The following MECOM variants were observed in gnomAD, a reference collection of about 807,000 sequenced individuals.
MECOM encodes MDS1 and EVI1 complex locus, also known as histone-lysine N-methyltransferase MECOM.
A neutral mutation model predicts 116.3 loss-of-function variants in MECOM; 13 were observed. The observed-to-expected ratio is 0.11, with a 90% CI of 0.07 to 0.18. MECOM has a LOEUF of 0.18. Ranked by LOEUF, MECOM falls within the 10% of genes least tolerant of loss-of-function variation. MECOM has a pLI of 1.00. For missense variants in MECOM, 1,299 were observed against 1,509.0 expected (o/e 0.86, Z 2.31); for synonymous variants, 528 against 535.2 (o/e 0.99, Z 0.19).
At chr3:169,199,998 C>T (rs1748937832) in intron 2 of MECOM, among the ~76,000 whole-genome samples, 1 of 151,166 alleles carries the variant, frequency 6.6e-6, no homozygotes, top group Non-Finnish European at 1.5e-5. Flanking sequence ...TATTTAATAT[C>T]AAGATATAGT....
intron 12 of MECOM, among the ~76,000 whole-genome samples, chr3:169,099,831 T>C (rs1722933511): frequency 6.6e-6 from 1 of 152,112 alleles, no homozygotes. Flanking sequence ...ATGTAGTTTA[T>C]ATTTTAAAAT....
At chr3:169,638,575 T>G (rs995778785) in intron 1 of MECOM, among the ~76,000 whole-genome samples, 3 of 152,220 alleles carry the variant, frequency 2.0e-5, no homozygotes, top group African/African-American at 7.2e-5. Context: ...TATTTTCAAG[T>G]AATACATGGA....
intron 1 of MECOM, among the ~76,000 whole-genome samples, chr3:169,589,769 A>T (rs1236014601): frequency 1.3e-5 from 2 of 152,144 alleles, no homozygotes; most frequent in Admixed American, 1.3e-4. Context: ...ATTCCGACTC[A>T]CATAGAAAAA....
intron 1 of MECOM, among the ~76,000 whole-genome samples, chr3:169,581,338 G>A (rs1765096798): frequency 6.6e-6 from 1 of 151,954 alleles, no homozygotes; most frequent in Admixed American, 6.6e-5. Flanking sequence ...ATCAAAAGTT[G>A]ACCTCCCAGG....
chr3:169,400,594 A>G (rs1384731713), intron 1 of MECOM, among the ~76,000 whole-genome samples: 1 of 152,230 alleles, frequency 6.6e-6, no homozygotes, highest in African/African-American at 2.4e-5. Context: ...TGGATTAAAT[A>G]GAGGTGAAAT....
intron 9 of MECOM, among the ~76,000 whole-genome samples, chr3:169,111,221 T>A (rs1422005401): frequency 6.6e-6 from 1 of 152,144 alleles, no homozygotes; most frequent in East Asian, 1.9e-4. Context: ...AATCCCTTTT[T>A]GGTTTTTCTC....
chr3:169,115,386 T>C lies in MECOM; in HGVS notation c.2486A>G (p.Tyr829Cys), dbSNP rs775365698. The C allele has an allele frequency of 9.9e-6, 16 of 1,613,508 alleles. No homozygotes were observed. The highest frequency in any genetic ancestry group is 1.4e-5 in the Non-Finnish European group (16 of 1,179,734). Residue 829 changes from tyrosine (Y) to cysteine (C), a missense_variant, in exon 8 of 17, where the codon TAC (tyrosine) becomes TGC (cysteine). This residue lies in a region of MECOM where 340 missense variants were observed against 312.6 expected (regional missense o/e 1.09). Transcript: ENST00000651503. ...RPTPFFMDPIYRVEKRKLTDP... is the reference protein window; with the variant it reads ...RPTPFFMDPICRVEKRKLTDP... ...GTCATCTTCCATACACGCTTACCTG[T>C]AAATAGGGTCCATAAAGAAAGGAGT... is the stretch of plus-strand genomic sequence containing the variant.
chr3:169,459,146 G>A (rs1286943243), intron 1 of MECOM, among the ~76,000 whole-genome samples: 2 of 152,150 alleles, frequency 1.3e-5, no homozygotes, highest in Non-Finnish European at 2.9e-5. Flanking sequence ...ATGTAATCCT[G>A]ATCAAATAGT....
chr3:169,401,571 T>G (rs900805831), intron 1 of MECOM, among the ~76,000 whole-genome samples: 5 of 152,014 alleles, frequency 3.3e-5, no homozygotes, highest in African/African-American at 1.2e-4. Flanking sequence ...TGTCCAAGGT[T>G]CAGTGGAGAG....
intron 1 of MECOM, among the ~76,000 whole-genome samples, chr3:169,471,194 G>T (rs1749170656): frequency 6.6e-6 from 1 of 152,024 alleles, no homozygotes. Flanking sequence ...GTTTAGCCAT[G>T]TTGCCCATGC....
intron 1 of MECOM, among the ~76,000 whole-genome samples, chr3:169,440,098 A>G (rs1743351624): frequency 6.6e-6 from 1 of 152,196 alleles, no homozygotes; most frequent in South Asian, 2.1e-4. Context: ...ACATAGAGAG[A>G]TAAAATAATT....
At chr3:169,627,896 A>G (rs980102431) in intron 1 of MECOM, among the ~76,000 whole-genome samples, 11 of 152,212 alleles carry the variant, frequency 7.2e-5, no homozygotes, top group Non-Finnish European at 1.6e-4. Context: ...TAAAGCTGCG[A>G]TTTACACCGC....
intron 2 of MECOM, among the ~76,000 whole-genome samples, chr3:169,379,250 GT>G (rs558803076): frequency 6.6e-6 from 1 of 151,678 alleles, no homozygotes; most frequent in Non-Finnish European, 1.5e-5. Context: ...CATTTCTTTG[GT>G]TTTTTTATAA....
chr3:169,646,836 C>T (rs901935138), intron 1 of MECOM, among the ~76,000 whole-genome samples: 1 of 152,030 alleles, frequency 6.6e-6, no homozygotes, highest in African/African-American at 2.4e-5. Context: ...ATGACGTATC[C>T]CTAAGTCATT....
chr3:169,369,430 T>C (rs1729725808), intron 2 of MECOM, among the ~76,000 whole-genome samples: 2 of 143,674 alleles, frequency 1.4e-5, no homozygotes, highest in South Asian at 4.6e-4. Flanking sequence ...CACTGCATCC[T>C]TGACCTCCTG....
At chr3:169,413,478 GT>G (rs1192191684) in intron 1 of MECOM, among the ~76,000 whole-genome samples, 143 of 97,072 alleles carry the variant, frequency 1.5e-3, no homozygotes, top group East Asian at 3.7e-3. Flanking sequence ...TTTTTTTTTT[GT>G]TTTTTTTTTT....
chr3:169,166,768 T>A (rs1743661868), intron 2 of MECOM, among the ~76,000 whole-genome samples: 2 of 152,192 alleles, frequency 1.3e-5, no homozygotes, highest in South Asian at 4.1e-4. Context: ...TTCATAAATG[T>A]ACATAATTGT....
Position 169,121,172 on chromosome 3 carries a change from C to T in MECOM, c.1016G>A (p.Arg339His), listed in dbSNP as rs368998869. 6.8e-6 allele frequency: 11 copies of T among 1,612,504 alleles called. No individual in the cohort carries two copies. The highest frequency in any genetic ancestry group is 4.0e-5 in the African/African-American group (3 of 74,876). ...GGCCCGGGCACCGACATGCTGAGAGCGAATGTGCCGCTGAAGGTTGCTAGG... is the reference window on the plus strand; with the variant it reads ...GGCCCGGGCACCGACATGCTGAGAGTGAATGTGCCGCTGAAGGTTGCTAGG... ...TDPSNLQRHI[R>H]SQHVGARAHA... Residue 339 changes from arginine (R) to histidine (H), a missense_variant, in exon 7 of 17, where the codon CGC (arginine) becomes CAC (histidine). Coordinates refer to ENST00000651503, the MANE Select transcript of MECOM (RefSeq NM_004991.4).
At chr3:169,395,721 A>G (rs1315162326) in intron 1 of MECOM, among the ~76,000 whole-genome samples, 1 of 152,236 alleles carries the variant, frequency 6.6e-6, no homozygotes, top group African/African-American at 2.4e-5. Context: ...TTCTTCAGGA[A>G]GAAGAACAGT....
Sources: gnomAD v4.1 joint callset for allele counts (sites outside exome capture counted in the v4.1 genomes callset) on GRCh38, gnomAD v4.1.1 for gene constraint, gnomAD v4.1.1 regional missense constraint, MANE v1.5 for transcripts, NCBI Gene and HGNC (gene_info 2026-07-23, HGNC 2026-07-21) for gene names.